The following ICE1 variants were observed in gnomAD, a reference collection of about 807,000 sequenced individuals.
The protein encoded by ICE1 is little elongation complex subunit 1.
A neutral mutation model predicts 192.7 loss-of-function variants in ICE1; 64 were observed. The observed-to-expected ratio is 0.33, with a 90% confidence interval of 0.27 to 0.41. The LOEUF is 0.41. Ranked by LOEUF, ICE1 falls within the 10% of genes least tolerant of loss-of-function variation. The pLI, the probability that ICE1 is intolerant of heterozygous loss-of-function variation, is 1.00. For missense variants in ICE1, 2,708 were observed against 2,696.0 expected (o/e 1.00, Z -0.10); for synonymous variants, 1,010 against 984.5 (o/e 1.03, Z -0.49).
intron 5 of ICE1, among the ~76,000 whole-genome samples, chr5:5,441,565 A>G (rs1215352997): frequency 6.6e-6 from 1 of 152,238 alleles, no homozygotes. Context: ...GCAAAAATTC[A>G]AACTTTAAAT....
rs771402811 is a variant in ICE1, at chr5:5,489,134, G to A, written c.6620-15G>A. 6.2e-7 allele frequency: 1 copy of A among 1,609,272 alleles called. No individual in the cohort carries two copies. On this transcript the variant is annotated splice_polypyrimidine_tract_variant and intron_variant, in intron 18 of 18. Transcript: ENST00000296564. ...TATTTTCTTGTTTTATGACTGATCTGAAATTTCTTTTCAGATATACCATGG... is the reference window on the plus strand; with the variant it reads ...TATTTTCTTGTTTTATGACTGATCTAAAATTTCTTTTCAGATATACCATGG...
chr5:5,464,467 G>A lies in ICE1; in HGVS notation c.5133G>A (p.Pro1711=), dbSNP rs61735527. 4,254 of 1,613,768 alleles carry A rather than the reference G, an allele frequency of 2.6e-3. 83 individuals carry two copies. In the African/African-American group the frequency reaches 0.05, roughly 19 times the overall value. The change falls in exon 13 of 19, where the codon CCG becomes CCA. Residue 1711 remains proline (P), a synonymous_variant. Coordinates refer to ENST00000296564, the MANE Select transcript of ICE1 (RefSeq NM_015325.3). The surrounding 1 kb of genome is among the most constrained non-coding windows in gnomAD (Gnocchi z 4.0). ...SAASASERVV[P]SPLQFCAATP... is the part of the protein sequence containing the mutation. ...CTTCAGCCAGTGAGAGGGTAGTGCC[G>A]TCTCCTCTGCAGTTCTGTGCGGCCA... is the stretch of plus-strand genomic sequence containing the variant.
intron 11 of ICE1, 76 bp downstream of exon 11, chr5:5,454,714 T>G: frequency 1.0e-6 from 1 of 974,002 alleles, no homozygotes; most frequent in African/African-American, 1.6e-5. Flanking sequence ...CAGCCGTTAC[T>G]TTTTAATAGC....
At chr5:5,451,225 A>ACAG (rs1201191781) in intron 10 of ICE1, among the ~76,000 whole-genome samples, 1 of 152,200 alleles carries the variant, frequency 6.6e-6, no homozygotes, top group African/African-American at 2.4e-5. Context: ...TTGAAAGTAA[A>ACAG]CAGTAGGGCA....
At chr5:5,472,630 C>T (rs1050488930) in intron 15 of ICE1, among the ~76,000 whole-genome samples, 33 of 152,138 alleles carry the variant, frequency 2.2e-4, no homozygotes, top group African/African-American at 7.2e-4. Flanking sequence ...TATGGATTAT[C>T]TTATAGAAAC....
intron 4 of ICE1, among the ~76,000 whole-genome samples, chr5:5,440,544 C>T (rs1738012395): frequency 6.6e-6 from 1 of 152,182 alleles, no homozygotes; most frequent in Non-Finnish European, 1.5e-5. Flanking sequence ...GATTACTAGG[C>T]TGGCCGCAAT....
rs564949720 is a variant in ICE1 at position 5,472,342 on chromosome 5, C to G, written c.6223-1216C>G. On this transcript the variant is annotated intron_variant, in intron 15 of 18. Coordinates refer to ENST00000296564, the MANE Select transcript of ICE1 (RefSeq NM_015325.3). Reference sequence around the variant, plus strand: ...CTAATTAAAATTATGATTCTAATACCAAATACTTCAATTACAGCCACACCT... The same window carrying G: ...CTAATTAAAATTATGATTCTAATACGAAATACTTCAATTACAGCCACACCT... Among the ~76,000 whole-genome samples the G allele has an allele frequency of 4.4e-4, 67 of 152,138 alleles. No individual in the cohort carries two copies. The South Asian group carries it at 0.013, about 29-fold the overall frequency.
At chr5:5,444,204 TAAAA>T in intron 6 of ICE1, 81 bp from the exon 7 acceptor site, 2 of 838,568 alleles carry the variant, frequency 2.4e-6, no homozygotes, top group Non-Finnish European at 3.9e-6. Context: ...ATTTGTAATT[TAAAA>T]AATATGTGCC....
At chr5:5,475,929 T>G (rs1739292099) in intron 16 of ICE1, 44 bp from the exon 17 acceptor site, 1 of 1,122,526 alleles carries the variant, frequency 8.9e-7, no homozygotes, top group Admixed American at 1.8e-5. Flanking sequence ...TAGTATTATT[T>G]GAGTGATGAT....
At chr5:5,486,044 C>T (rs1422814328) in intron 17 of ICE1, among the ~76,000 whole-genome samples, 1 of 152,192 alleles carries the variant, frequency 6.6e-6, no homozygotes, top group African/African-American at 2.4e-5. Flanking sequence ...TGGATAAGTG[C>T]ATTTCTTCAC....
At chr5:5,428,079 GAGAAAGT>G (rs1358583339) in intron 1 of ICE1, among the ~76,000 whole-genome samples, 2 of 152,088 alleles carry the variant, frequency 1.3e-5, no homozygotes, top group Non-Finnish European at 2.9e-5. Context: ...GCCTGGAGGG[GAGAAAGT>G]AGTTGACGAT....
intron 11 of ICE1, among the ~76,000 whole-genome samples, chr5:5,457,003 A>G (rs765173595): frequency 1.3e-5 from 2 of 152,006 alleles, no homozygotes; most frequent in Admixed American, 6.6e-5. Flanking sequence ...TGCTGTTTGT[A>G]TGGGAGGATT....
chr5:5,447,716 C>T lies in ICE1; in HGVS notation c.508-5C>T. On this transcript the variant is annotated splice_polypyrimidine_tract_variant and splice_region_variant and intron_variant, in intron 8 of 18. Coordinates refer to ENST00000296564, the MANE Select transcript of ICE1 (RefSeq NM_015325.3). ...ATAAACACTATTAATATTTTGTTTT[C>T]ACAGGAAAGGCTTGACGAATTTTCT... 6.3e-7 allele frequency: 1 copy of T among 1,575,836 alleles called. No individual in the cohort carries two copies. Among genetic ancestry groups the T allele is most frequent in the Non-Finnish European group, 8.6e-7 (1 of 1,157,910 alleles).
Position 5,476,232 on chromosome 5 carries a change from TTCTC to T in ICE1, c.6520+158_6520+161del, listed in dbSNP as rs532469263. 3.0e-3 allele frequency among the ~76,000 whole-genome samples: 453 copies of T among 152,300 alleles called. 4 individuals carry two copies. Among genetic ancestry groups the T allele is most frequent in the African/African-American group, 0.01 (428 of 41,556 alleles). On this transcript the variant is annotated intron_variant, in intron 17 of 18. Coordinates refer to ENST00000296564, the MANE Select transcript of ICE1 (RefSeq NM_015325.3). ...ACTTTTGTACTTAAGTCATTCTCCTTTCTCTCTCCTTGTAAATTAGTGTTTTATT... is the reference window on the plus strand; with the variant it reads ...ACTTTTGTACTTAAGTCATTCTCCTTTCTCCTTGTAAATTAGTGTTTTATT...
chr5:5,438,481 G>T (rs758020195), intron 3 of ICE1, among the ~76,000 whole-genome samples: 4 of 152,170 alleles, frequency 2.6e-5, no homozygotes, highest in Admixed American at 1.3e-4. Context: ...TGCCTCATCT[G>T]TTAAAACCAT....
At chr5:5,453,492 CT>C (rs1489524929) in intron 10 of ICE1, among the ~76,000 whole-genome samples, 4 of 152,124 alleles carry the variant, frequency 2.6e-5, no homozygotes, top group Non-Finnish European at 5.9e-5. Flanking sequence ...AAAGTTTGGT[CT>C]TTTAAGCTTC....
At chr5:5,432,045 A>G (rs187711269) in intron 1 of ICE1, among the ~76,000 whole-genome samples, 1 of 152,234 alleles carries the variant, frequency 6.6e-6, no homozygotes, top group Non-Finnish European at 1.5e-5. Flanking sequence ...GCATTATTGA[A>G]ATATAATTTA....
intron 17 of ICE1, among the ~76,000 whole-genome samples, chr5:5,479,839 A>G (rs569952322): frequency 6.6e-6 from 1 of 152,290 alleles, no homozygotes; most frequent in South Asian, 2.1e-4. Context: ...CTAACACAGG[A>G]ACAGAAACCC....
intron 16 of ICE1, among the ~76,000 whole-genome samples, chr5:5,474,684 G>A (rs1197034943): frequency 6.6e-6 from 1 of 152,140 alleles, no homozygotes; most frequent in East Asian, 1.9e-4. Context: ...TAATTTTCTT[G>A]TGGAACCCTG....
Sources: gnomAD v4.1 joint callset for allele counts (sites outside exome capture counted in the v4.1 genomes callset) on GRCh38, gnomAD v4.1.1 for gene constraint, Gnocchi (gnomAD v3.1) non-coding constraint, MANE v1.5 for transcripts, NCBI Gene and HGNC (gene_info 2026-07-23, HGNC 2026-07-21) for gene names.